Variants in ROBO2 observed in about 807,000 individuals in gnomAD.
ROBO2 encodes the protein roundabout guidance receptor 2.
ROBO2 carries 53 observed loss-of-function variants against 160.8 expected under a neutral mutation model. That is an observed-to-expected ratio of 0.33 (90% CI 0.26 to 0.41). The LOEUF is 0.41. Ranked by LOEUF, ROBO2 falls within the 10% of genes least tolerant of loss-of-function variation. The pLI is 1.00. For missense variants in ROBO2, 1,577 were observed against 1,722.4 expected, an observed-to-expected ratio of 0.92 and a Z score of 1.49; for synonymous variants, 664 against 611.7, an observed-to-expected ratio of 1.09 and a Z score of -1.26.
At chr3:76,015,325 C>T (rs1241312730) in intron 2 of ROBO2, among the ~76,000 whole-genome samples, 1 of 152,030 alleles carries the variant, frequency 6.6e-6, no homozygotes, top group African/African-American at 2.4e-5. Flanking sequence ...GTCATGTATA[C>T]TTAAAAGATA....
At chr3:76,983,199 T>A (rs2060189568) in intron 2 of ROBO2, among the ~76,000 whole-genome samples, 1 of 152,096 alleles carries the variant, frequency 6.6e-6, no homozygotes. Flanking sequence ...GCAGGAGAAC[T>A]GCTTGAGCCC....
chr3:76,800,966 C>T (rs1447935187), intron 2 of ROBO2, among the ~76,000 whole-genome samples: 1 of 152,196 alleles, frequency 6.6e-6, no homozygotes, highest in East Asian at 1.9e-4. Flanking sequence ...TATTGTAGCA[C>T]TATTCATAAT....
chr3:76,520,566 G>A (rs529945956), intron 2 of ROBO2, among the ~76,000 whole-genome samples: 15 of 152,254 alleles, frequency 9.9e-5, no homozygotes, highest in African/African-American at 3.6e-4. Context: ...GATCTTACAA[G>A]TTATCTAGTC....
intron 6 of ROBO2, among the ~76,000 whole-genome samples, chr3:77,537,608 A>T (rs1235973662): frequency 6.6e-6 from 1 of 152,126 alleles, no homozygotes; most frequent in Non-Finnish European, 1.5e-5. Context: ...GCACATACAT[A>T]TATATGCTTA....
intron 21 of ROBO2, among the ~76,000 whole-genome samples, chr3:77,609,481 G>T (rs1259682649): frequency 6.6e-6 from 1 of 151,962 alleles, no homozygotes; most frequent in Non-Finnish European, 1.5e-5. Flanking sequence ...TGCTGTTAAA[G>T]CTTTATATGC....
intron 2 of ROBO2, among the ~76,000 whole-genome samples, chr3:76,295,432 C>T (rs530856698): frequency 1.3e-5 from 2 of 152,210 alleles, no homozygotes; most frequent in East Asian, 1.9e-4. Context: ...TTGCAATTCT[C>T]GGAAGCAGGT....
chr3:76,617,281 GTA>G (rs140513831), intron 2 of ROBO2, among the ~76,000 whole-genome samples: 5,439 of 150,596 alleles, frequency 0.036, 130 homozygotes, highest in Middle Eastern at 0.076. Context: ...ACCCTTTATT[GTA>G]TATATATATA....
intron 2 of ROBO2, among the ~76,000 whole-genome samples, chr3:76,517,491 A>G (rs569308543): frequency 6.6e-6 from 1 of 152,264 alleles, no homozygotes; most frequent in African/African-American, 2.4e-5. Flanking sequence ...AAGTTAAGTG[A>G]CTTTTCCAGC....
chr3:77,369,630 G>A (rs142203357), intron 2 of ROBO2, among the ~76,000 whole-genome samples: 16 of 152,240 alleles, frequency 1.1e-4, no homozygotes, highest in African/African-American at 3.9e-4. Context: ...TGAGAAATAA[G>A]GGGATAATTT....
At chr3:77,017,192 T>G (rs1187690331) in intron 2 of ROBO2, among the ~76,000 whole-genome samples, 2 of 152,240 alleles carry the variant, frequency 1.3e-5, no homozygotes, top group Non-Finnish European at 2.9e-5. Context: ...GTAAGAATGT[T>G]GTCTTGGCAT....
intron 2 of ROBO2, among the ~76,000 whole-genome samples, chr3:76,439,965 G>T (rs2076849678): frequency 6.6e-6 from 1 of 151,980 alleles, no homozygotes; most frequent in African/African-American, 2.4e-5. Context: ...CAGGTTCTAT[G>T]GATTGTTTTA....
Position 77,150,100 on chromosome 3 carries a change from G to T in ROBO2, c.388+51760G>T, listed in dbSNP as rs188279565. Among the ~76,000 whole-genome samples, 341 of 152,178 alleles carry T rather than the reference G, an allele frequency of 2.2e-3. 3 individuals carry two copies. Among genetic ancestry groups the T allele is most frequent in the African/African-American group, 7.9e-3 (329 of 41,530 alleles). On this transcript the variant is annotated intron_variant, in intron 2 of 25. Transcript: ENST00000461745. Reference sequence around the variant, plus strand: ...TATGAAACAAAAATTAGATGTGGAGGAAAACTCTAAATAGGGAACTCTAAT... The same window carrying T: ...TATGAAACAAAAATTAGATGTGGAGTAAAACTCTAAATAGGGAACTCTAAT...
intron 2 of ROBO2, among the ~76,000 whole-genome samples, chr3:76,308,051 C>T (rs1003297913): frequency 2.0e-5 from 3 of 152,048 alleles, no homozygotes; most frequent in African/African-American, 7.2e-5. Flanking sequence ...CTCTCTGTGC[C>T]TCAGTTTATA....
rs1560218958 is a variant in ROBO2 at position 77,200,314 on chromosome 3, TATA to T, written c.388+101975_388+101977del. 2.5e-3 allele frequency among the ~76,000 whole-genome samples: 219 copies of T among 86,636 alleles called. 9 individuals are homozygous for T. Among genetic ancestry groups the T allele is most frequent in the East Asian group, 0.019 (49 of 2,578 alleles). 56.8% of individuals were successfully genotyped at this position (86,636 alleles called of 152,430 possible). A position where few individuals can be genotyped will look rare whatever the true frequency, so the allele number is the denominator to read the frequency against. Reference sequence around the variant, plus strand: ...ATATATATATATATATATATATATATATATATATTTTAGTTTCTATAGGTAAAG... The same window carrying T: ...ATATATATATATATATATATATATATTATATTTTAGTTTCTATAGGTAAAG... On this transcript the variant is annotated intron_variant, in intron 2 of 25. Transcript: ENST00000461745.
At chr3:76,339,616 C>G (rs866235504) in intron 2 of ROBO2, among the ~76,000 whole-genome samples, 6 of 152,056 alleles carry the variant, frequency 3.9e-5, no homozygotes, top group African/African-American at 1.4e-4. Flanking sequence ...GTTTACTCAT[C>G]ATGATTATTC....
chr3:77,007,555 C>T (rs1318207739), intron 2 of ROBO2, among the ~76,000 whole-genome samples: 1 of 152,028 alleles, frequency 6.6e-6, no homozygotes, highest in African/African-American at 2.4e-5. Flanking sequence ...CAAAGTGGGA[C>T]TTTTACTATA....
At chr3:77,191,196 G>A (rs1464863017) in intron 2 of ROBO2, among the ~76,000 whole-genome samples, 4 of 152,074 alleles carry the variant, frequency 2.6e-5, no homozygotes, top group Admixed American at 2.6e-4. Flanking sequence ...GACTTACTGG[G>A]TGACAGACAT....
At chr3:76,030,457 AT>A (rs2066884495) in intron 2 of ROBO2, among the ~76,000 whole-genome samples, 1 of 152,170 alleles carries the variant, frequency 6.6e-6, no homozygotes, top group African/African-American at 2.4e-5. Flanking sequence ...TATGTCCTGA[AT>A]GGTATTGCCC....
intron 2 of ROBO2, among the ~76,000 whole-genome samples, chr3:76,143,598 A>T (rs549344284): frequency 1.3e-5 from 2 of 152,192 alleles, no homozygotes; most frequent in Non-Finnish European, 2.9e-5. Flanking sequence ...TAATCAATTT[A>T]TGAAACCCCA....
Sources: allele counts gnomAD v4.1 joint callset (sites outside exome capture counted in the v4.1 genomes callset), GRCh38; gene constraint gnomAD v4.1.1; transcripts MANE v1.5; gene names NCBI Gene and HGNC (gene_info 2026-07-23, HGNC 2026-07-21).